Variants in ZNF814 observed in about 807,000 individuals in gnomAD.
ZNF814 encodes zinc finger protein 814.
ZNF814 carries 5 observed loss-of-function variants against 7.5 expected under a neutral mutation model. That is an observed-to-expected ratio of 0.67 (90% CI 0.35 to 1.40). The LOEUF (loss-of-function observed/expected upper bound fraction) is 1.40. ZNF814 is among the 40% of genes most tolerant of loss of function. ZNF814 has a pLI of 0.04. For missense variants in ZNF814, 962 were observed against 1,018.0 expected (o/e 0.94, Z 0.75); for synonymous variants, 315 against 340.7 (o/e 0.92, Z 0.83).
At chr19:57,886,204 C>T (rs1442763985) in intron 1 of ZNF814, among the ~76,000 whole-genome samples, 6 of 152,084 alleles carry the variant, frequency 3.9e-5, no homozygotes, top group African/African-American at 1.4e-4. Context: ...CTTCTAAGTG[C>T]TTGGAGGAGA....
the ZNF814 span, among the ~76,000 whole-genome samples, chr19:57,895,354 C>T: frequency 2.0e-5 from 3 of 151,386 alleles, no homozygotes; most frequent in African/African-American, 7.3e-5. Flanking sequence ...CGGCTCACTG[C>T]AACCTCTGCC....
rs1052634637 is a variant in ZNF814, at chr19:57,872,808, G to A, written c.*14C>T. 6.2e-7 allele frequency: 1 copy of A among 1,607,296 alleles called. No homozygotes were observed. The highest frequency in any genetic ancestry group is 2.2e-5 in the East Asian group (1 of 44,702). ...TGGTCCTTCTTGCTAAAAACTTTCT[G>A]ACAATCCTCACACTCATATGGCTTT... On this transcript the variant is annotated 3_prime_UTR_variant, in exon 3 of 3. Coordinates refer to ENST00000435989, the MANE Select transcript of ZNF814 (RefSeq NM_001144989.2).
chr19:57,890,991 A>G (rs1234148077), upstream of ZNF814, among the ~76,000 whole-genome samples: 1 of 151,016 alleles, frequency 6.6e-6, no homozygotes, highest in African/African-American at 2.4e-5. Flanking sequence ...ACAGGATGAG[A>G]TAGGAGGTCA....
rs752881840 is a variant in ZNF814 at position 57,873,018 on chromosome 19, T to C, written c.2372A>G (p.Lys791Arg). 9 of 1,613,752 alleles carry C rather than the reference T, an allele frequency of 5.6e-6. No homozygotes were observed. Among genetic ancestry groups the C allele is most frequent in the South Asian group, 1.1e-5 (1 of 91,022 alleles). ...FAESSSFTKH[K>R]RVHTGEKPYE... ...AGGCTTTTCTCCAGTGTGAACTCTT[T>C]TGTGTTTTGTGAAACTGGAGCTTTC... is the stretch of plus-strand genomic sequence containing the variant. Residue 791 changes from lysine to arginine, a missense_variant, in exon 3 of 3, where the codon AAA becomes AGA. This residue lies in a region of ZNF814 where 665 missense variants were observed against 551.4 expected (regional missense o/e 1.21). Coordinates refer to ENST00000435989, the MANE Select transcript of ZNF814 (RefSeq NM_001144989.2).
chr19:57,877,166 G>A (rs1232668529), intron 1 of ZNF814, 124 bp from the exon 2 acceptor site: 1 of 1,417,634 alleles, frequency 7.1e-7, no homozygotes, highest in Non-Finnish European at 9.7e-7. Context: ...GGAGAAACTA[G>A]GCCCACTGGT....
chr19:57,901,147 A>G, the ZNF814 span, among the ~76,000 whole-genome samples: 4,897 of 152,192 alleles, frequency 0.032, 298 homozygotes, highest in African/African-American at 0.11. Flanking sequence ...CCATGGCTGC[A>G]TTTTAACAGC....
At chr19:57,895,107 G>C in the ZNF814 span, among the ~76,000 whole-genome samples, 1 of 152,064 alleles carries the variant, frequency 6.6e-6, no homozygotes, top group African/African-American at 2.4e-5. Flanking sequence ...ACAGATTAAT[G>C]CAAAGTTGAC....
intron 1 of ZNF814, among the ~76,000 whole-genome samples, chr19:57,883,357 C>CAA (rs768307718): frequency 0.11 from 6,871 of 65,194 alleles, 263 homozygotes; most frequent in Middle Eastern, 0.18. Flanking sequence ...GACTCCATCT[C>CAA]AAAAAAAAAA....
At chr19:57,900,999 G>A in the ZNF814 span, among the ~76,000 whole-genome samples, 338 of 151,696 alleles carry the variant, frequency 2.2e-3, 4 homozygotes, top group Admixed American at 3.9e-3. Flanking sequence ...GGCACCCGCC[G>A]CTGCGCCCGG....
Position 57,873,188 on chromosome 19 carries a change from A to G in ZNF814, c.2202T>C (p.His734=), listed in dbSNP as rs1568516698. The G allele has an allele frequency of 6.2e-7, 1 of 1,613,124 alleles. No individual in the cohort carries two copies. Among genetic ancestry groups the G allele is most frequent in the Non-Finnish European group, 8.5e-7 (1 of 1,179,680 alleles). ...GCCTTTCTCCAGTGTGAACTCTCTG[A>G]TGTGCAATGAGTTGGTACTTGTTTC... ...FFRNKYQLIA[H]QRVHTGERPY... The change falls in exon 3 of 3, where the codon CAT becomes CAC. Residue 734 remains histidine, a synonymous_variant. Coordinates refer to ENST00000435989, the MANE Select transcript of ZNF814 (RefSeq NM_001144989.2).
At position 57,873,820 on chromosome 19, in the gene ZNF814, C is replaced by T; in HGVS notation, c.1570G>A (p.Glu524Lys). ...TTTGAACTAAATGATTTCCCACATTCTCCACACTCATAAGGTCTTGCTCCA... is the reference window on the plus strand; with the variant it reads ...TTTGAACTAAATGATTTCCCACATTTTCCACACTCATAAGGTCTTGCTCCA... ...HTGARPYECG[E>K]CGKSFSSKGH... Residue 524 changes from glutamate (E) to lysine (K), a missense_variant, in exon 3 of 3, where the codon GAA (glutamate) becomes AAA (lysine). This residue lies in a region of ZNF814 where 665 missense variants were observed against 551.4 expected (regional missense o/e 1.21). Coordinates refer to ENST00000435989, the MANE Select transcript of ZNF814 (RefSeq NM_001144989.2). The T allele has an allele frequency of 6.2e-7, 1 of 1,614,150 alleles. No homozygotes were observed. The highest frequency in any genetic ancestry group is 2.2e-5 in the East Asian group (1 of 44,882).
rs1477159665 is a variant in ZNF814, at chr19:57,888,965, G to C, written c.-163C>G. On this transcript the variant is annotated 5_prime_UTR_variant, in exon 1 of 3. Transcript: ENST00000435989. ...GGAGGACAACTGCTCCCCGACTTCT[G>C]GGTTCAGTCACCACAGTGCGGACCT... is the stretch of plus-strand genomic sequence containing the variant. The C allele has an allele frequency of 2.8e-6, 2 of 725,574 alleles. No individual in the cohort carries two copies. Among genetic ancestry groups the C allele is most frequent in the South Asian group, 1.8e-5 (1 of 56,044 alleles). 44.9% of individuals were successfully genotyped at this position (725,574 alleles called of 1,614,324 possible).
At chr19:57,896,359 G>A in the ZNF814 span, among the ~76,000 whole-genome samples, 1 of 152,150 alleles carries the variant, frequency 6.6e-6, no homozygotes, top group Admixed American at 6.5e-5. This position sits in a 1 kb window ranked among gnomAD's most constrained non-coding sequence, Gnocchi z 4.2. Flanking sequence ...TTCAGATTCT[G>A]AATGCGAGGA....
upstream of ZNF814, among the ~76,000 whole-genome samples, chr19:57,892,827 C>CT (rs1001557909): frequency 2.6e-5 from 4 of 152,192 alleles, no homozygotes; most frequent in Non-Finnish European, 4.4e-5. Flanking sequence ...TCTCCTTTCC[C>CT]TTTCTTATCT....
the ZNF814 span, among the ~76,000 whole-genome samples, chr19:57,898,886 G>C: frequency 9.3e-5 from 14 of 150,312 alleles, no homozygotes; most frequent in East Asian, 2.7e-3. Flanking sequence ...CTTACAGTGA[G>C]CTGAGATCGT....
At position 57,876,953 on chromosome 19, in the gene ZNF814, A is replaced by G; in HGVS notation, c.126T>C (p.Asp42=). The G allele has an allele frequency of 1.9e-6, 3 of 1,614,186 alleles. 1 individual carries two copies. In the South Asian group the frequency reaches 3.3e-5, roughly 18 times the overall value. ...TAAGTGCCAGGTTCTCCAGCGTCAC[A>G]TCACGGTACAGGCATCTCTGAGCCT... is the stretch of plus-strand genomic sequence containing the variant. ...LSEAQRCLYR[D]VTLENLALIS... Residue 42 remains aspartate, a synonymous_variant, in exon 2 of 3, where the codon GAT becomes GAC. Coordinates refer to ENST00000435989, the MANE Select transcript of ZNF814 (RefSeq NM_001144989.2).
the ZNF814 span, among the ~76,000 whole-genome samples, chr19:57,904,828 A>C: frequency 6.6e-6 from 1 of 152,092 alleles, no homozygotes; most frequent in Non-Finnish European, 1.5e-5. Flanking sequence ...AGGCGGGCGG[A>C]TCACCTGAGG....
At chr19:57,905,029 A>C in the ZNF814 span, among the ~76,000 whole-genome samples, 4 of 144,742 alleles carry the variant, frequency 2.8e-5, no homozygotes, top group Non-Finnish European at 6.0e-5. Flanking sequence ...CCTGGGCAAC[A>C]AGAGTGAAAC....
upstream of ZNF814, among the ~76,000 whole-genome samples, chr19:57,890,116 A>G (rs2071726579): frequency 6.6e-6 from 1 of 152,316 alleles, no homozygotes; most frequent in South Asian, 2.1e-4. Flanking sequence ...CTGGAAGCAA[A>G]GATTAATGCA....
Sources: gnomAD v4.1 joint callset for allele counts (sites outside exome capture counted in the v4.1 genomes callset) on GRCh38, gnomAD v4.1.1 for gene constraint, gnomAD v4.1.1 regional missense constraint, Gnocchi (gnomAD v3.1) non-coding constraint, MANE v1.5 for transcripts, NCBI Gene and HGNC (gene_info 2026-07-23, HGNC 2026-07-21) for gene names.